KMO: variants seen among roughly 807,000 people sequenced by gnomAD.
KMO encodes kynurenine 3-monooxygenase.
A neutral mutation model predicts 57.8 loss-of-function variants in KMO; 24 were observed. The observed-to-expected ratio is 0.42, with a 90% CI of 0.30 to 0.58. The LOEUF (loss-of-function observed/expected upper bound fraction) is 0.58, where lower values mean the gene tolerates loss of function less well. Among genes scored for constraint, KMO ranks in the 20% least tolerant of loss-of-function variants. KMO has a pLI of 0.22. For missense variants in KMO, 483 were observed against 588.2 expected (o/e 0.82, Z 1.85); for synonymous variants, 210 against 193.6 (o/e 1.08, Z -0.70).
chr1:241,549,337 AAAG>A (rs1661307477), intron 2 of KMO, among the ~76,000 whole-genome samples: 1 of 143,664 alleles, frequency 7.0e-6, no homozygotes, highest in Non-Finnish European at 1.6e-5. Flanking sequence ...AGAAAGATGA[AAAG>A]AAAGAAAGAA....
intron 4 of KMO, among the ~76,000 whole-genome samples, chr1:241,551,878 T>C (rs907165399): frequency 6.6e-6 from 1 of 152,154 alleles, no homozygotes; most frequent in African/African-American, 2.4e-5. Flanking sequence ...GTCTGATTCA[T>C]TAGGACTGGG....
intron 4 of KMO, among the ~76,000 whole-genome samples, chr1:241,552,089 T>A (rs759288425): frequency 1.4e-4 from 22 of 152,160 alleles, no homozygotes; most frequent in Admixed American, 1.2e-3. Context: ...GGTTCAAATA[T>A]CAGAAAAGCT....
At chr1:241,578,129 G>A (rs1402029611) in intron 10 of KMO, among the ~76,000 whole-genome samples, 1 of 152,150 alleles carries the variant, frequency 6.6e-6, no homozygotes, top group Non-Finnish European at 1.5e-5. Context: ...TTCCTGAATG[G>A]CTGTCTATAG....
intron 10 of KMO, among the ~76,000 whole-genome samples, chr1:241,583,452 C>T (rs1313699949): frequency 6.6e-6 from 1 of 152,150 alleles, no homozygotes; most frequent in Non-Finnish European, 1.5e-5. Flanking sequence ...GAATCAGGGG[C>T]TTCAGGAAAC....
chr1:241,576,222 C>A (rs1347649772), intron 10 of KMO, among the ~76,000 whole-genome samples: 1 of 151,902 alleles, frequency 6.6e-6, no homozygotes, highest in Admixed American at 6.6e-5. Context: ...TTCTGACAAT[C>A]TATATTTTTT....
Position 241,594,647 on chromosome 1 carries a change from CCTCA to C in KMO, c.*2495_*2498del. 6.2e-7 allele frequency: 1 copy of C among 1,614,034 alleles called. No individual in the cohort carries two copies. Among genetic ancestry groups the C allele is most frequent in the South Asian group, 1.1e-5 (1 of 91,080 alleles). On this transcript the variant is annotated 3_prime_UTR_variant, in exon 15 of 15. Transcript: ENST00000366559. ...GTAGGTCTTTAGCAGGCCTCTGGCA[CCTCA>C]GCAGTCGGAGGCACAGAAGCTGCAA...
chr1:241,572,382 T>C (rs1317376092), intron 10 of KMO, among the ~76,000 whole-genome samples: 1 of 152,104 alleles, frequency 6.6e-6, no homozygotes. Flanking sequence ...TTGCTCATAA[T>C]AGTCTCTAAT....
intron 1 of KMO, among the ~76,000 whole-genome samples, chr1:241,540,961 C>T (rs745446359): frequency 3.9e-5 from 6 of 152,020 alleles, no homozygotes; most frequent in Admixed American, 2.0e-4. Flanking sequence ...ACTTGGGAGG[C>T]CAAGGCAGGA....
chr1:241,583,165 T>C (rs575670532), intron 10 of KMO, among the ~76,000 whole-genome samples: 1 of 152,304 alleles, frequency 6.6e-6, no homozygotes, highest in South Asian at 2.1e-4. Flanking sequence ...CTCCCCATGC[T>C]AGGCTGCCTG....
At chr1:241,566,733 A>G in intron 9 of KMO, 121 bp downstream of exon 9, 1 of 1,035,010 alleles carries the variant, frequency 9.7e-7, no homozygotes, top group African/African-American at 1.6e-5. Context: ...CCTGGACAGA[A>G]ACCTACATTA....
At chr1:241,552,713 C>T (rs546874205) in intron 4 of KMO, among the ~76,000 whole-genome samples, 2 of 152,180 alleles carry the variant, frequency 1.3e-5, no homozygotes, top group South Asian at 2.1e-4. Flanking sequence ...GTGGATGGCA[C>T]GGGCGATAAT....
At chr1:241,546,563 G>A (rs769075179) in intron 1 of KMO, among the ~76,000 whole-genome samples, 3 of 152,140 alleles carry the variant, frequency 2.0e-5, no homozygotes, top group African/African-American at 2.4e-5. Flanking sequence ...AAAAGAGATG[G>A]GTAGATGGAA....
chr1:241,586,729 C>T lies in KMO; in HGVS notation c.1008C>T (p.Asn336=), dbSNP rs201985772. Residue 336 remains asparagine (N), a synonymous_variant, in exon 11 of 15, where the codon AAC becomes AAT. Transcript: ENST00000366559. The part of the protein sequence containing the change: ...VFDELMDKFS[N]DLSLCLPVFS... ...ATGAGTTAATGGATAAATTCAGTAACGACCTTAGTAAGTAAGGTCAATTTC... is the reference window on the plus strand; with the variant it reads ...ATGAGTTAATGGATAAATTCAGTAATGACCTTAGTAAGTAAGGTCAATTTC... The T allele has an allele frequency of 2.0e-5, 32 of 1,603,230 alleles. No individual in the cohort carries two copies. The highest frequency in any genetic ancestry group is 1.3e-4 in the East Asian group (6 of 44,722).
At chr1:241,534,695 C>A (rs1172085930) in intron 1 of KMO, among the ~76,000 whole-genome samples, 1 of 152,248 alleles carries the variant, frequency 6.6e-6, no homozygotes, top group African/African-American at 2.4e-5. Context: ...ATTCCTGCAA[C>A]AAGCTCCAAA....
chr1:241,549,795 AC>A, intron 3 of KMO, 21 bp downstream of exon 3: 3 of 1,424,448 alleles, frequency 2.1e-6, no homozygotes, highest in African/African-American at 1.4e-5. Flanking sequence ...TATCTTTCTT[AC>A]AGAAGATAAT....
chr1:241,532,512 G>C lies in KMO; in HGVS notation c.54+14G>C. On this transcript the variant is annotated intron_variant, in intron 1 of 14. Transcript: ENST00000366559. The stretch of plus-strand genomic sequence containing the variant: ...GGTGGTGGCTTGGTAAGAATTTTCA[G>C]ATGGATTACTATTGTTGGTGGTATT... 6.3e-7 allele frequency: 1 copy of C among 1,588,556 alleles called. No individual in the cohort carries two copies.
chr1:241,539,651 C>T (rs1002087887), intron 1 of KMO, among the ~76,000 whole-genome samples: 20 of 152,176 alleles, frequency 1.3e-4, no homozygotes, highest in African/African-American at 4.6e-4. Flanking sequence ...TGAGCAGGCT[C>T]CTCTTACGCT....
chr1:241,592,729 T>TATC lies in KMO; in HGVS notation c.*577_*579dup, dbSNP rs1161621323. ...ATCATCTATCTGTTTATCGTCTATC[T>TATC]ATCTATCATCTATCTATCTATCTAT... On this transcript the variant is annotated 3_prime_UTR_variant, in exon 15 of 15. Transcript: ENST00000366559. The TATC allele has an allele frequency of 5.2e-5, 8 of 155,042 alleles. No individual in the cohort carries two copies. The highest frequency in any genetic ancestry group is 1.7e-4 in the African/African-American group (7 of 41,234). 9.6% of individuals were successfully genotyped at this position (155,042 alleles called of 1,614,324 possible).
At chr1:241,585,722 C>G (rs1662949325) in intron 10 of KMO, among the ~76,000 whole-genome samples, 1 of 150,360 alleles carries the variant, frequency 6.7e-6, no homozygotes, top group Non-Finnish European at 1.5e-5. Context: ...GTGCTGCACT[C>G]CAACCTGAAC....
Sources: gnomAD v4.1 joint callset for allele counts (sites outside exome capture counted in the v4.1 genomes callset) on GRCh38, gnomAD v4.1.1 for gene constraint, MANE v1.5 for transcripts, NCBI Gene and HGNC (gene_info 2026-07-23, HGNC 2026-07-21) for gene names.